CNTNAP2: variants seen among roughly 807,000 people sequenced by gnomAD.
The protein encoded by CNTNAP2 is contactin associated protein 2.
In CNTNAP2, 98 loss-of-function variants were observed where a neutral mutation model predicts 155.2. The observed-to-expected ratio is 0.63, with a 90% CI of 0.54 to 0.75. The LOEUF (loss-of-function observed/expected upper bound fraction) is 0.75, where lower values mean the gene tolerates loss of function less well. Among genes scored for constraint, CNTNAP2 ranks in the 30% least tolerant of loss-of-function variants. The pLI is 0.00. For synonymous variants in CNTNAP2, 651 were observed against 631.2 expected (o/e 1.03, Z -0.47); for missense variants, 1,727 against 1,688.1 (o/e 1.02, Z -0.40).
At chr7:147,232,888 C>T (rs1289369134) in intron 8 of CNTNAP2, among the ~76,000 whole-genome samples, 1 of 152,092 alleles carries the variant, frequency 6.6e-6, no homozygotes, top group East Asian at 1.9e-4. Flanking sequence ...AGAGGAGAAG[C>T]CTTGAGTGTA....
chr7:147,639,354 C>G (rs755689007), intron 13 of CNTNAP2, 48 bp downstream of exon 13: 19 of 1,561,592 alleles, frequency 1.2e-5, no homozygotes, highest in Non-Finnish European at 1.6e-5. Flanking sequence ...TCAGCTGGTG[C>G]TTAGAATTGC....
At chr7:147,415,912 C>A (rs1057297763) in intron 10 of CNTNAP2, among the ~76,000 whole-genome samples, 6 of 152,158 alleles carry the variant, frequency 3.9e-5, no homozygotes, top group Non-Finnish European at 8.8e-5. Context: ...GTGGCTTATA[C>A]TAGAGAAACT....
chr7:146,883,539 T>C (rs192225410), intron 3 of CNTNAP2, among the ~76,000 whole-genome samples: 246 of 152,312 alleles, frequency 1.6e-3, no homozygotes, highest in Non-Finnish European at 3.0e-3. Context: ...AACTTTAGCT[T>C]AGAAATTTAG....
At chr7:147,064,351 T>A (rs1442996308) in intron 4 of CNTNAP2, among the ~76,000 whole-genome samples, 6 of 152,202 alleles carry the variant, frequency 3.9e-5, no homozygotes, top group Non-Finnish European at 7.3e-5. Context: ...AACAGGCACA[T>A]GCTCTGTATA....
At chr7:147,959,575 C>T (rs1300015686) in intron 14 of CNTNAP2, among the ~76,000 whole-genome samples, 2 of 152,140 alleles carry the variant, frequency 1.3e-5, no homozygotes, top group African/African-American at 4.8e-5. Context: ...AGAGTAGCAA[C>T]TCGGGGCAGT....
At chr7:147,837,701 C>T (rs10265853) in intron 13 of CNTNAP2, among the ~76,000 whole-genome samples, 22,426 of 152,170 alleles carry the variant, frequency 0.15, 1,853 homozygotes, top group South Asian at 0.24. Context: ...CATTCCAAAT[C>T]GGAGAAATTG....
At chr7:148,154,606 T>G (rs1805365201) in intron 17 of CNTNAP2, among the ~76,000 whole-genome samples, 1 of 152,182 alleles carries the variant, frequency 6.6e-6, no homozygotes, top group Non-Finnish European at 1.5e-5. Flanking sequence ...ATGAATAAAA[T>G]GGCTGTTTCT....
chr7:147,300,477 TA>T (rs1359552243), intron 9 of CNTNAP2, among the ~76,000 whole-genome samples, 187 bp downstream of exon 9: 2 of 152,204 alleles, frequency 1.3e-5, no homozygotes, highest in Non-Finnish European at 2.9e-5. Flanking sequence ...CTGATGAAGA[TA>T]TTAAGATGAT....
chr7:147,933,902 A>G (rs1037006863), intron 14 of CNTNAP2, among the ~76,000 whole-genome samples: 1 of 152,154 alleles, frequency 6.6e-6, no homozygotes, highest in Non-Finnish European at 1.5e-5. Context: ...GAGTCCTGCC[A>G]TAAGTGACAA....
intron 14 of CNTNAP2, among the ~76,000 whole-genome samples, chr7:147,973,541 C>CT (rs1380409264): frequency 6.6e-6 from 1 of 152,032 alleles, no homozygotes; most frequent in Non-Finnish European, 1.5e-5. Flanking sequence ...TTCTAGAATT[C>CT]TTTTTTGCTT....
chr7:148,032,375 A>AGT (rs1489669971), intron 15 of CNTNAP2, among the ~76,000 whole-genome samples: 1 of 152,142 alleles, frequency 6.6e-6, no homozygotes, highest in East Asian at 1.9e-4. Context: ...ACATCACATC[A>AGT]GTGTGTGTGC....
intron 1 of CNTNAP2, among the ~76,000 whole-genome samples, chr7:146,677,683 G>C (rs1256767628): frequency 2.8e-5 from 3 of 106,958 alleles, no homozygotes; most frequent in Non-Finnish European, 6.2e-5. Context: ...ACATGCTATA[G>C]TTGGTGATTT....
At chr7:147,640,252 A>T (rs1462899056) in intron 13 of CNTNAP2, among the ~76,000 whole-genome samples, 1 of 152,140 alleles carries the variant, frequency 6.6e-6, no homozygotes, top group African/African-American at 2.4e-5. Context: ...GCAAATACTT[A>T]AAATCCATGC....
chr7:147,776,517 T>C (rs546069774), intron 13 of CNTNAP2, among the ~76,000 whole-genome samples: 1 of 152,304 alleles, frequency 6.6e-6, no homozygotes, highest in South Asian at 2.1e-4. Flanking sequence ...TCTTAAAAAG[T>C]CAGCTACAGT....
chr7:146,239,380 T>C (rs1455323975), intron 1 of CNTNAP2, among the ~76,000 whole-genome samples: 1 of 152,194 alleles, frequency 6.6e-6, no homozygotes, highest in Non-Finnish European at 1.5e-5. Flanking sequence ...CAAAATATAA[T>C]GGTTAAAATA....
intron 16 of CNTNAP2, among the ~76,000 whole-genome samples, chr7:148,136,694 C>A (rs934251801): frequency 6.6e-6 from 1 of 152,198 alleles, no homozygotes; most frequent in East Asian, 1.9e-4. Context: ...GTCAAACCAT[C>A]CCAGGATGGA....
chr7:147,290,288 G>A (rs1805274297), intron 8 of CNTNAP2, among the ~76,000 whole-genome samples: 1 of 152,030 alleles, frequency 6.6e-6, no homozygotes, highest in South Asian at 2.1e-4. Context: ...TTTATGTAAG[G>A]CACATAACAG....
At chr7:148,365,482 T>G (rs970044580) in intron 21 of CNTNAP2, among the ~76,000 whole-genome samples, 6 of 151,976 alleles carry the variant, frequency 3.9e-5, no homozygotes, top group African/African-American at 1.5e-4. Context: ...TTGGCCAACA[T>G]GATGAAACCG....
intron 14 of CNTNAP2, among the ~76,000 whole-genome samples, chr7:147,970,569 A>T (rs746830387): frequency 6.6e-6 from 1 of 152,172 alleles, no homozygotes; most frequent in Non-Finnish European, 1.5e-5. Flanking sequence ...AAACAAAAAA[A>T]GATGGAGAAA....
Sources: gnomAD v4.1 joint callset for allele counts (sites outside exome capture counted in the v4.1 genomes callset) on GRCh38, gnomAD v4.1.1 for gene constraint, MANE v1.5 for transcripts, NCBI Gene and HGNC (gene_info 2026-07-23, HGNC 2026-07-21) for gene names.